ZNF578: variants seen among roughly 807,000 people sequenced by gnomAD.
ZNF578 encodes the protein Putative chemokine-related protein B42.
Under a neutral mutation model 8.3 loss-of-function variants are expected in ZNF578, and 8 were observed. The ratio of observed to expected loss-of-function variants is 0.96; its 90% CI spans 0.56 to 1.74. The LOEUF (loss-of-function observed/expected upper bound fraction) is 1.74. Among genes scored for constraint, ZNF578 ranks in the 40% most tolerant of loss-of-function variants. The probability of loss-of-function intolerance (pLI) is 0.00; values close to 1 mark genes in which losing one functional copy is unlikely to be tolerated. For synonymous variants in ZNF578, 206 were observed against 232.2 expected, an observed-to-expected ratio of 0.89 and a Z score of 1.03; for missense variants, 726 against 707.5, an observed-to-expected ratio of 1.03 and a Z score of -0.30.
chr19:52,480,844 C>T (rs773320697), intron 2 of ZNF578, among the ~76,000 whole-genome samples: 39 of 150,640 alleles, frequency 2.6e-4, no homozygotes, highest in Middle Eastern at 3.5e-3. Context: ...TGCAATGAGC[C>T]GTGATCACGC....
At position 52,512,143 on chromosome 19, in the gene ZNF578, A is replaced by G. The variant is rs1413038173; in HGVS notation, c.1762A>G (p.Met588Val). Residue 588 changes from methionine (M) to valine (V), a missense_variant, in exon 6 of 6, where the codon ATG (methionine) becomes GTG (valine). Coordinates refer to ENST00000421239, the MANE Select transcript of ZNF578 (RefSeq NM_001099694.2). The part of the protein sequence containing the change: ...HLIDSSIKPC[M>V]SS The stretch of plus-strand genomic sequence containing the variant: ...GATTGATTCATCAATCAAGCCTTGC[A>G]TGTCATCATAGACTTCATACTGGAG... 5.0e-6 allele frequency: 8 copies of G among 1,613,666 alleles called. No homozygotes were observed. In the Admixed American group the frequency reaches 1.0e-4, roughly 20 times the overall value.
chr19:52,508,189 A>G (rs886813843), intron 5 of ZNF578, among the ~76,000 whole-genome samples: 1 of 151,880 alleles, frequency 6.6e-6, no homozygotes, highest in African/African-American at 2.4e-5. Flanking sequence ...TACTAATAAT[A>G]TAAAAATTTT....
intron 5 of ZNF578, among the ~76,000 whole-genome samples, chr19:52,508,074 C>T (rs1258372135): frequency 1.3e-5 from 2 of 148,496 alleles, no homozygotes; most frequent in Non-Finnish European, 1.5e-5. Context: ...AGGCGGGGCA[C>T]GGTGGCTCAT....
chr19:52,504,711 C>G lies in ZNF578; in HGVS notation c.120C>G (p.Phe40Leu), dbSNP rs180768207. 5 of 1,614,078 alleles carry G rather than the reference C, an allele frequency of 3.1e-6. No homozygotes were observed. The East Asian group carries it at 1.1e-4, about 36-fold the overall frequency. The change falls in exon 5 of 6, where the codon TTC (phenylalanine) becomes TTG (leucine). Residue 40 changes from phenylalanine (F) to leucine (L), a missense_variant. Phe to Leu is a conservative substitution (Grantham distance 22). Coordinates refer to ENST00000421239, the MANE Select transcript of ZNF578 (RefSeq NM_001099694.2). ...AATTCTCATTGGCAGAGTGGAAATT[C>G]CTGAACCCTGCGCAGAGGGCTTTGT... The part of the protein sequence containing the change: ...AIEFSLAEWK[F>L]LNPAQRALYR...
rs1447576767 is a variant in ZNF578 at position 52,514,616 on chromosome 19, G to A, written c.*2462G>A. On this transcript the variant is annotated 3_prime_UTR_variant, in exon 6 of 6. Transcript: ENST00000421239. Reference sequence around the variant, plus strand: ...CTGTGGTCCATTCTGGAAAAATGTTGAAACATGGGCTGGAGTGGCATAGAG... The same window carrying A: ...CTGTGGTCCATTCTGGAAAAATGTTAAAACATGGGCTGGAGTGGCATAGAG... Among the ~76,000 whole-genome samples the A allele has an allele frequency of 6.6e-6, 1 of 152,172 alleles. No individual in the cohort carries two copies. The highest frequency in any genetic ancestry group is 2.4e-5 in the African/African-American group (1 of 41,448).
chr19:52,477,488 G>A (rs977509588), intron 2 of ZNF578, among the ~76,000 whole-genome samples: 1 of 152,032 alleles, frequency 6.6e-6, no homozygotes, highest in South Asian at 2.1e-4. Flanking sequence ...TTTTTTCCTG[G>A]TAGTAGTGGG....
chr19:52,458,396 G>A (rs2059245794), intron 2 of ZNF578: 1 of 145,822 alleles, frequency 6.9e-6, no homozygotes, highest in African/African-American at 2.6e-5. Context: ...CCAGCTGCAG[G>A]GGTACCTCTC....
chr19:52,484,212 G>A (rs1469838812), intron 2 of ZNF578, among the ~76,000 whole-genome samples: 1 of 152,194 alleles, frequency 6.6e-6, no homozygotes, highest in African/African-American at 2.4e-5. Context: ...CAGTATTGCT[G>A]CCAGCATGTC....
At chr19:52,481,784 G>A (rs1308475777) in intron 2 of ZNF578, among the ~76,000 whole-genome samples, 1 of 152,092 alleles carries the variant, frequency 6.6e-6, no homozygotes, top group African/African-American at 2.4e-5. Flanking sequence ...AGGCTGGAGT[G>A]CAGTGGTGTA....
chr19:52,493,766 A>T (rs544060220), intron 3 of ZNF578, among the ~76,000 whole-genome samples: 1 of 151,256 alleles, frequency 6.6e-6, no homozygotes, highest in Non-Finnish European at 1.5e-5. Flanking sequence ...TGAAGCGGGC[A>T]GATCACCTGA....
At chr19:52,508,363 A>G (rs1003910429) in intron 5 of ZNF578, among the ~76,000 whole-genome samples, 18 of 151,700 alleles carry the variant, frequency 1.2e-4, no homozygotes, top group Admixed American at 7.9e-4. Flanking sequence ...AGAGAGAGAG[A>G]GAAAGAGAAA....
At chr19:52,456,274 G>C (rs1331315951) in intron 1 of ZNF578, 2 of 152,078 alleles carry the variant, frequency 1.3e-5, no homozygotes, top group African/African-American at 4.8e-5. Context: ...GGGGAGACCA[G>C]AGCCAGAAGA....
Position 52,512,690 on chromosome 19 carries a change from A to C in ZNF578, c.*536A>C, listed in dbSNP as rs955259009. On this transcript the variant is annotated 3_prime_UTR_variant, in exon 6 of 6. Coordinates refer to ENST00000421239, the MANE Select transcript of ZNF578 (RefSeq NM_001099694.2). ...GGAGAGAAATCTTACAAATGTCATC[A>C]GTGTGGCAAGGTCTTCAGTCCGAGG... 6.6e-6 allele frequency among the ~76,000 whole-genome samples: 1 copy of C among 152,238 alleles called. No homozygotes were observed. Among genetic ancestry groups the C allele is most frequent in the African/African-American group, 2.4e-5 (1 of 41,466 alleles).
At chr19:52,467,908 A>G (rs534445535) in intron 2 of ZNF578, among the ~76,000 whole-genome samples, 40 of 152,334 alleles carry the variant, frequency 2.6e-4, no homozygotes, top group Non-Finnish European at 2.8e-4. Flanking sequence ...TGTGATTTCA[A>G]GTCTTCTAAT....
chr19:52,495,623 C>T (rs7247277), intron 3 of ZNF578, among the ~76,000 whole-genome samples: 28,812 of 149,382 alleles, frequency 0.19, 2,979 homozygotes, highest in Non-Finnish European at 0.22. Flanking sequence ...TGCAGATGAG[C>T]GGTGAGTTGA....
chr19:52,505,222 C>G (rs2059421510), intron 5 of ZNF578, among the ~76,000 whole-genome samples: 1 of 151,992 alleles, frequency 6.6e-6, no homozygotes, highest in Non-Finnish European at 1.5e-5. Flanking sequence ...AGAAGCGTCT[C>G]TCACTGGCAC....
chr19:52,453,772 G>A (rs985734234), intron 1 of ZNF578, 165 bp downstream of exon 1: 1 of 152,380 alleles, frequency 6.6e-6, no homozygotes, highest in Non-Finnish European at 1.5e-5. Context: ...GGAGGCTGCT[G>A]GTCCTTTCCC....
chr19:52,481,723 A>G (rs1057199148), intron 2 of ZNF578, among the ~76,000 whole-genome samples: 2 of 152,116 alleles, frequency 1.3e-5, no homozygotes, highest in Non-Finnish European at 2.9e-5. Flanking sequence ...CTGTTATTAC[A>G]TAATACTTTA....
rs1446967558 is a variant in ZNF578 at position 52,487,960 on chromosome 19, CT to C, written c.-121-3353del. Among the ~76,000 whole-genome samples, 96 of 67,682 alleles carry C rather than the reference CT, an allele frequency of 1.4e-3. 2 individuals carry two copies. Among genetic ancestry groups the C allele is most frequent in the Admixed American group, 8.8e-3 (55 of 6,220 alleles). 44.4% of individuals were successfully genotyped at this position (67,682 alleles called of 152,430 possible). On this transcript the variant is annotated intron_variant, in intron 2 of 5. Coordinates refer to ENST00000421239, the MANE Select transcript of ZNF578 (RefSeq NM_001099694.2). ...CATCTGGCCTACATAGCCCCCCCCC[CT>C]TTTTTTTTTTGAGAGGGAGTTTTAC...
Sources: allele counts gnomAD v4.1 joint callset (sites outside exome capture counted in the v4.1 genomes callset), GRCh38; gene constraint gnomAD v4.1.1; transcripts MANE v1.5; gene names NCBI Gene and HGNC (gene_info 2026-07-23, HGNC 2026-07-21).